TTC3: variants seen among roughly 807,000 people sequenced by gnomAD.
The protein encoded by TTC3 is tetratricopeptide repeat domain 3, also known as E3 ubiquitin-protein ligase TTC3.
In TTC3, 180 loss-of-function variants were observed where a neutral mutation model predicts 249.6. The observed-to-expected ratio is 0.72, with a 90% CI of 0.64 to 0.82. The LOEUF is 0.82. TTC3 is among the 40% of genes least tolerant of loss of function. The pLI, the probability that TTC3 is intolerant of heterozygous loss-of-function variation, is 0.00. For missense variants in TTC3, 2,061 were observed against 2,398.4 expected (o/e 0.86, Z 2.94); for synonymous variants, 717 against 805.0 (o/e 0.89, Z 1.85).
exon 8 of TTC3, chr21:37,094,031 A>G (rs1420409260): frequency 6.2e-7 from 1 of 1,609,156 alleles, no homozygotes; most frequent in East Asian, 2.2e-5. Context: ...TAAAATTGTA[A>G]TGGAAGACTG....
intron 32 of TTC3, 84 bp from the exon 33 acceptor site, chr21:37,165,466 T>C (rs1354788007): frequency 1.9e-6 from 2 of 1,033,736 alleles, no homozygotes; most frequent in Non-Finnish European, 2.9e-6. Context: ...AGTGTTTTCC[T>C]TTGGGAGAAT....
chr21:37,190,772 A>G (rs755231681), intron 39 of TTC3, among the ~76,000 whole-genome samples: 15 of 152,250 alleles, frequency 9.9e-5, no homozygotes, highest in Non-Finnish European at 1.8e-4. Context: ...TTCAATATGT[A>G]TAATGAGGTC....
chr21:37,188,355 T>C (rs918399460), intron 38 of TTC3, 140 bp from the exon 39 acceptor site: 4 of 593,502 alleles, frequency 6.7e-6, no homozygotes, highest in Middle Eastern at 8.7e-4. Flanking sequence ...TCACCTATGA[T>C]ACAATCAAGT....
chr21:37,087,514 C>T (rs1256501386), intron 2 of TTC3, 113 bp downstream of exon 2: 12 of 1,306,704 alleles, frequency 9.2e-6, no homozygotes, highest in African/African-American at 1.5e-5. Context: ...CAGGGAGGTA[C>T]ACATGCTGTT....
intron 1 of TTC3, chr21:37,082,999 A>G (rs2071915703): frequency 1.0e-6 from 1 of 985,420 alleles, no homozygotes; most frequent in African/African-American, 1.7e-5. Flanking sequence ...TGGATTGCAC[A>G]ATATATCCTC....
At chr21:37,097,779 G>A in intron 10 of TTC3, 2 of 527,474 alleles carry the variant, frequency 3.8e-6, no homozygotes, top group South Asian at 5.6e-5. Flanking sequence ...GTTTTCTCAT[G>A]AAAGCTGAGA....
At chr21:37,185,322 A>G (rs2083140948) in intron 36 of TTC3, among the ~76,000 whole-genome samples, 1 of 152,242 alleles carries the variant, frequency 6.6e-6, no homozygotes, top group East Asian at 1.9e-4. Context: ...GTTCTGTTTT[A>G]AAGAGTAGAA....
chr21:37,190,158 T>G (rs2083878606), intron 39 of TTC3, among the ~76,000 whole-genome samples: 1 of 109,906 alleles, frequency 9.1e-6, no homozygotes, highest in South Asian at 3.5e-4. Flanking sequence ...TTTTTTTTTT[T>G]TGAGATGGTG....
chr21:37,186,071 T>A (rs1362132817), intron 37 of TTC3: 1 of 160,514 alleles, frequency 6.2e-6, no homozygotes, highest in Non-Finnish European at 1.3e-5. Context: ...ATAAACATGT[T>A]GTAAAAACTT....
intron 41 of TTC3, among the ~76,000 whole-genome samples, chr21:37,193,018 A>C (rs1169093747): frequency 6.6e-6 from 1 of 152,192 alleles, no homozygotes; most frequent in Non-Finnish European, 1.5e-5. Flanking sequence ...TAAAAAAGAA[A>C]AACAAAATTA....
chr21:37,175,099 CA>C (rs11375399), intron 35 of TTC3, among the ~76,000 whole-genome samples: 124 of 130,034 alleles, frequency 9.5e-4, no homozygotes, highest in Non-Finnish European at 1.2e-3. Context: ...ACTAAAAATA[CA>C]AAAAAAAAAA....
At chr21:37,135,087 C>G (rs1307205697) in intron 17 of TTC3, among the ~76,000 whole-genome samples, 2 of 152,128 alleles carry the variant, frequency 1.3e-5, no homozygotes, top group African/African-American at 2.4e-5. Flanking sequence ...CTTAAAAATA[C>G]TGTCTGTTTA....
intron 11 of TTC3, among the ~76,000 whole-genome samples, chr21:37,113,757 G>A (rs1366819332): frequency 6.6e-6 from 1 of 152,158 alleles, no homozygotes; most frequent in Non-Finnish European, 1.5e-5. Flanking sequence ...GAACAAAGCT[G>A]GAGGCATCAT....
At chr21:37,121,092 T>A (rs2076540152) in intron 11 of TTC3, 1 of 152,238 alleles carries the variant, frequency 6.6e-6, no homozygotes, top group East Asian at 1.9e-4. Flanking sequence ...GTTTTGGTAC[T>A]GTTAGCTTTG....
At chr21:37,088,140 G>A (rs1007503926) in intron 3 of TTC3, 56 bp from the exon 4 acceptor site, 2 of 1,436,354 alleles carry the variant, frequency 1.4e-6, no homozygotes, top group African/African-American at 2.9e-5. Context: ...ATTAAGTGTT[G>A]ATTCATTAAA....
At chr21:37,078,974 A>G (rs886821079) in intron 1 of TTC3, among the ~76,000 whole-genome samples, 3 of 152,176 alleles carry the variant, frequency 2.0e-5, no homozygotes, top group Non-Finnish European at 2.9e-5. Flanking sequence ...TAAGTTAGGG[A>G]AGTCTTTTCA....
At chr21:37,201,717 C>T (rs1053984) in exon 46 of TTC3, 557,637 of 1,058,604 alleles carry the variant, frequency 0.53, 149,568 homozygotes, top group African/African-American at 0.7. Context: ...GTTAATATCG[C>T]TGATATTAAG....
intron 10 of TTC3, among the ~76,000 whole-genome samples, chr21:37,100,090 G>T (rs118055279): frequency 2.4e-3 from 373 of 152,316 alleles, no homozygotes; most frequent in Non-Finnish European, 4.6e-3. Context: ...GCATGGGCAT[G>T]TTAAACACCC....
At chr21:37,121,681 T>C (rs2076596403) in intron 11 of TTC3, 136 bp from the exon 12 acceptor site, 2 of 803,188 alleles carry the variant, frequency 2.5e-6, no homozygotes, top group African/African-American at 3.5e-5. Context: ...CATTTTACAT[T>C]TATTTTTCAT....
Sources: gnomAD v4.1 joint callset for allele counts (sites outside exome capture counted in the v4.1 genomes callset) on GRCh38, gnomAD v4.1.1 for gene constraint, MANE v1.5 for transcripts, NCBI Gene and HGNC (gene_info 2026-07-23, HGNC 2026-07-21) for gene names.